Variants in ILRUN observed in about 807,000 individuals in gnomAD.
ILRUN encodes the protein protein ILRUN.
Under a neutral mutation model 33.8 loss-of-function variants are expected in ILRUN, and 3 were observed. The observed-to-expected ratio is 0.09, with a 90% CI of 0.04 to 0.23. The LOEUF (loss-of-function observed/expected upper bound fraction) is 0.23. Among genes scored for constraint, ILRUN ranks in the 10% least tolerant of loss-of-function variants. The probability of loss-of-function intolerance (pLI) is 1.00; values close to 1 mark genes in which losing one functional copy is unlikely to be tolerated. For synonymous variants in ILRUN, 124 were observed against 138.9 expected, an observed-to-expected ratio of 0.89 and a Z score of 0.75; for missense variants, 210 against 375.1, an observed-to-expected ratio of 0.56 and a Z score of 3.64.
At chr6:34,606,461 G>A (rs1481590628) in intron 4 of ILRUN, 94 bp downstream of exon 4, 1 of 965,422 alleles carries the variant, frequency 1.0e-6, no homozygotes, top group Admixed American at 2.5e-5. Context: ...CCTCCTCTGG[G>A]GAGCGGCAGT....
intron 3 of ILRUN, among the ~76,000 whole-genome samples, chr6:34,626,781 C>T (rs181475579): frequency 2.9e-4 from 44 of 152,164 alleles, no homozygotes; most frequent in African/African-American, 8.2e-4. Context: ...CCGAGGTGGG[C>T]GGATCACGAG....
At chr6:34,596,427 C>G (rs1761401606) in intron 4 of ILRUN, among the ~76,000 whole-genome samples, 1 of 152,152 alleles carries the variant, frequency 6.6e-6, no homozygotes, top group African/African-American at 2.4e-5. Flanking sequence ...AGCAATTCTC[C>G]TGCCTCAGCC....
intron 4 of ILRUN, among the ~76,000 whole-genome samples, chr6:34,603,536 G>A (rs963873037): frequency 6.6e-6 from 1 of 152,088 alleles, no homozygotes; most frequent in Non-Finnish European, 1.5e-5. Flanking sequence ...CCGGGAGGCT[G>A]AGATAGAGGA....
chr6:34,667,115 A>T (rs1205694277), intron 1 of ILRUN, among the ~76,000 whole-genome samples: 7 of 152,358 alleles, frequency 4.6e-5, no homozygotes, highest in African/African-American at 1.7e-4. Context: ...ATCTATCTAT[A>T]GTTTATTCTG....
chr6:34,592,565 GT>G lies in ILRUN; in HGVS notation c.862-1966del, dbSNP rs1761316832. Reference sequence around the variant, plus strand: ...TCAAGTTCACGCAAAAGTAATTGCAGTTTTTGCCATTATTTTTATTTTTATT... The same window carrying G: ...TCAAGTTCACGCAAAAGTAATTGCAGTTTTGCCATTATTTTTATTTTTATT... On this transcript the variant is annotated intron_variant, in intron 4 of 4. Coordinates refer to ENST00000374023, the MANE Select transcript of ILRUN (RefSeq NM_024294.4). This position sits in a 1 kb window ranked among gnomAD's most constrained non-coding sequence, Gnocchi z 4.0. Among the ~76,000 whole-genome samples, 2 of 152,350 alleles carry G rather than the reference GT, an allele frequency of 1.3e-5. No homozygotes were observed. The highest frequency in any genetic ancestry group is 4.1e-4 in the South Asian group (2 of 4,826).
chr6:34,605,324 A>AC (rs1761605258), intron 4 of ILRUN, among the ~76,000 whole-genome samples: 1 of 103,564 alleles, frequency 9.7e-6, no homozygotes, highest in Non-Finnish European at 1.9e-5. Context: ...AAAACAAAAA[A>AC]AAAAAAAAAA....
intron 1 of ILRUN, among the ~76,000 whole-genome samples, chr6:34,664,022 C>T (rs1001575829): frequency 6.6e-6 from 1 of 152,038 alleles, no homozygotes; most frequent in Non-Finnish European, 1.5e-5. Context: ...GAAACAGGGC[C>T]GTGAGCTAAG....
intron 1 of ILRUN, among the ~76,000 whole-genome samples, chr6:34,670,889 T>C (rs1763104001): frequency 6.8e-6 from 1 of 146,630 alleles, no homozygotes; most frequent in Non-Finnish European, 1.5e-5. Flanking sequence ...AGAAATGATA[T>C]ACACACCCCC....
At chr6:34,630,155 G>A (rs956146879) in intron 3 of ILRUN, among the ~76,000 whole-genome samples, 3 of 152,162 alleles carry the variant, frequency 2.0e-5, no homozygotes, top group African/African-American at 7.2e-5. Context: ...TGACTAACAA[G>A]TGAATAGTGC....
intron 1 of ILRUN, among the ~76,000 whole-genome samples, chr6:34,683,513 TAC>T (rs67229195): frequency 0.22 from 22,918 of 102,190 alleles, 3,445 homozygotes; most frequent in African/African-American, 0.45. Context: ...TATATATATA[TAC>T]ATATATATAT....
chr6:34,673,616 T>C (rs561701595), intron 1 of ILRUN, among the ~76,000 whole-genome samples: 5 of 152,106 alleles, frequency 3.3e-5, no homozygotes, highest in Admixed American at 1.3e-4. Context: ...GCCAGCACTT[T>C]GGGAGGCCAA....
chr6:34,624,989 T>G (rs114345995), intron 3 of ILRUN, among the ~76,000 whole-genome samples: 1,939 of 152,228 alleles, frequency 0.013, 49 homozygotes, highest in African/African-American at 0.044. Flanking sequence ...CTGCTCCCCA[T>G]CAATATCACA....
intron 4 of ILRUN, among the ~76,000 whole-genome samples, chr6:34,596,786 C>T (rs1360956881): frequency 6.6e-6 from 1 of 152,182 alleles, no homozygotes; most frequent in Admixed American, 6.5e-5. Flanking sequence ...TGTGCCAAAA[C>T]ATTTAACTCA....
At chr6:34,601,574 C>T (rs1761508778) in intron 4 of ILRUN, among the ~76,000 whole-genome samples, 1 of 152,176 alleles carries the variant, frequency 6.6e-6, no homozygotes, top group Non-Finnish European at 1.5e-5. Flanking sequence ...CACAAAGTCA[C>T]CCCAAACTCT....
chr6:34,688,917 C>T (rs185270885), intron 1 of ILRUN, among the ~76,000 whole-genome samples: 306 of 152,180 alleles, frequency 2.0e-3, no homozygotes, highest in South Asian at 6.0e-3. Flanking sequence ...GCCAAGATCA[C>T]GTCATTTCAC....
chr6:34,633,624 G>C (rs1762290420), intron 3 of ILRUN, among the ~76,000 whole-genome samples: 1 of 150,258 alleles, frequency 6.7e-6, no homozygotes, highest in Non-Finnish European at 1.5e-5. Flanking sequence ...GCCAAGGTGG[G>C]AGGACTCCTT....
rs932287365 is a variant in ILRUN, at chr6:34,680,280, T to C, written c.158+16166A>G. On this transcript the variant is annotated intron_variant, in intron 1 of 4. Coordinates refer to ENST00000374023, the MANE Select transcript of ILRUN (RefSeq NM_024294.4). ...ACTTAAAACAGTATCTAGAATATAG[T>C]AAATGCCCCACTTTTATAAAGCAAG... is the stretch of plus-strand genomic sequence containing the variant. Among the ~76,000 whole-genome samples the C allele has an allele frequency of 5.3e-5, 8 of 152,328 alleles. No individual in the cohort carries two copies. The East Asian group carries it at 1.5e-3, about 29-fold the overall frequency.
chr6:34,628,474 A>C (rs1762184156), intron 3 of ILRUN, among the ~76,000 whole-genome samples: 1 of 151,882 alleles, frequency 6.6e-6, no homozygotes. Flanking sequence ...CTCCAGCTGC[A>C]CTCACCTGCC....
At chr6:34,657,725 A>C (rs768372560) in intron 1 of ILRUN, among the ~76,000 whole-genome samples, 21 of 152,192 alleles carry the variant, frequency 1.4e-4, no homozygotes, top group Non-Finnish European at 2.5e-4. Flanking sequence ...GAGAATTTAA[A>C]TTACTGGCCC....
Sources: gnomAD v4.1 joint callset for allele counts (sites outside exome capture counted in the v4.1 genomes callset) on GRCh38, gnomAD v4.1.1 for gene constraint, Gnocchi (gnomAD v3.1) non-coding constraint, MANE v1.5 for transcripts, NCBI Gene and HGNC (gene_info 2026-07-23, HGNC 2026-07-21) for gene names.